BRINP1: variants seen among roughly 807,000 people sequenced by gnomAD.
The protein encoded by BRINP1 is BMP/retinoic acid-inducible neural-specific protein 1.
Under a neutral mutation model 72.9 loss-of-function variants are expected in BRINP1, and 17 were observed. The observed-to-expected ratio is 0.23, with a 90% CI of 0.16 to 0.35. The LOEUF (loss-of-function observed/expected upper bound fraction) is 0.35. Among genes scored for constraint, BRINP1 ranks in the 10% least tolerant of loss-of-function variants. BRINP1 has a pLI of 1.00. For missense variants in BRINP1, 850 were observed against 1,001.6 expected, an observed-to-expected ratio of 0.85 and a Z score of 2.04; for synonymous variants, 418 against 378.5, an observed-to-expected ratio of 1.10 and a Z score of -1.21.
chr9:119,289,291 A>G (rs1830799630), intron 2 of BRINP1, among the ~76,000 whole-genome samples: 1 of 152,252 alleles, frequency 6.6e-6, no homozygotes. Flanking sequence ...CAATACTCAG[A>G]AAATGACTGG....
chr9:119,308,026 T>C (rs1320488872), intron 2 of BRINP1, among the ~76,000 whole-genome samples: 2 of 152,184 alleles, frequency 1.3e-5, no homozygotes, highest in African/African-American at 2.4e-5. Context: ...CACAGGATTA[T>C]TGTAAGCATC....
chr9:119,329,328 T>C (rs1478594784), intron 1 of BRINP1, among the ~76,000 whole-genome samples: 3 of 152,220 alleles, frequency 2.0e-5, no homozygotes, highest in Admixed American at 2.0e-4. Flanking sequence ...TTCATTTGTA[T>C]AGAAACTACC....
intron 5 of BRINP1, among the ~76,000 whole-genome samples, chr9:119,223,639 T>C (rs1830062897): frequency 6.6e-6 from 1 of 151,994 alleles, no homozygotes; most frequent in Non-Finnish European, 1.5e-5. Context: ...GTACCCAGAG[T>C]ACGTGTTTGA....
At chr9:119,363,610 T>C (rs1475160542) in intron 1 of BRINP1, among the ~76,000 whole-genome samples, 1 of 152,194 alleles carries the variant, frequency 6.6e-6, no homozygotes. Flanking sequence ...TAAAATTATC[T>C]TGCTTATCTA....
Position 119,308,316 on chromosome 9 carries a change from T to C in BRINP1, c.218+4822A>G, listed in dbSNP as rs16908231. The stretch of plus-strand genomic sequence containing the variant: ...TACTGCATGATATCAAGATTATACC[T>C]GGAATCAAAAGCTGAAGGCTTCTTT... On this transcript the variant is annotated intron_variant, in intron 2 of 7. Transcript: ENST00000265922. Among the ~76,000 whole-genome samples the C allele has an allele frequency of 4.3e-4, 66 of 152,316 alleles. 1 individual carries two copies. The East Asian group carries it at 4.4e-3, about 10-fold the overall frequency.
Position 119,218,137 on chromosome 9 carries a change from C to T in BRINP1, c.686-3982G>A, listed in dbSNP as rs553294373. 1.5e-4 allele frequency among the ~76,000 whole-genome samples: 23 copies of T among 152,090 alleles called. No homozygotes were observed. In the South Asian group the frequency reaches 3.3e-3, roughly 22 times the overall value. Reference sequence around the variant, plus strand: ...AGGGACCTGTCTGCCCTCTAAGGGCCCCCAGAGTATAAACTAAGGTCAAGC... The same window carrying T: ...AGGGACCTGTCTGCCCTCTAAGGGCTCCCAGAGTATAAACTAAGGTCAAGC... On this transcript the variant is annotated intron_variant, in intron 5 of 7. Transcript: ENST00000265922.
In BRINP1 at chr9:119,242,106, C is replaced by G; in HGVS notation, c.520G>C (p.Asp174His). The G allele has an allele frequency of 6.2e-7, 1 of 1,614,124 alleles. No individual in the cohort carries two copies. ...LHQLASSYFV[D>H]RDGTMRRLHE... ...AGCCTCCTCATGGTACCATCACGGT[C>G]AACAAAGTAGGATGATGCGAGCTGG... The change falls in exon 4 of 8, where the codon GAC becomes CAC. Residue 174 changes from aspartate to histidine, a missense_variant. Physicochemically the swap from Asp to His is moderately conservative, Grantham distance 81. Transcript: ENST00000265922.
At chr9:119,314,228 G>A (rs1328923129) in intron 1 of BRINP1, among the ~76,000 whole-genome samples, 1 of 152,234 alleles carries the variant, frequency 6.6e-6, no homozygotes, top group Admixed American at 6.5e-5. Flanking sequence ...TTATTAGGGG[G>A]TCTTATGGCA....
chr9:119,310,705 G>C (rs1172386121), intron 2 of BRINP1, among the ~76,000 whole-genome samples: 2 of 152,124 alleles, frequency 1.3e-5, no homozygotes, highest in Non-Finnish European at 2.9e-5. Flanking sequence ...CACTAGGATA[G>C]TCAGGCCTTT....
At chr9:119,222,268 T>G (rs142809331) in intron 5 of BRINP1, among the ~76,000 whole-genome samples, 179 of 152,248 alleles carry the variant, frequency 1.2e-3, no homozygotes, top group Middle Eastern at 3.4e-3. Flanking sequence ...GAATTGTTTG[T>G]TAGCACAGCA....
chr9:119,367,346 G>A (rs565750163), intron 1 of BRINP1, among the ~76,000 whole-genome samples: 4 of 151,574 alleles, frequency 2.6e-5, no homozygotes, highest in Non-Finnish European at 4.4e-5. Context: ...TAGACAAGAG[G>A]CTGTGTCCCA....
At chr9:119,322,115 G>A (rs1323003702) in intron 1 of BRINP1, among the ~76,000 whole-genome samples, 2 of 152,170 alleles carry the variant, frequency 1.3e-5, no homozygotes, top group South Asian at 2.1e-4. Context: ...CATCTCCCAA[G>A]CCCCATGCCC....
At position 119,281,515 on chromosome 9, in the gene BRINP1, G is replaced by A. The variant is rs986273228; in HGVS notation, c.218+31623C>T. Among the ~76,000 whole-genome samples the A allele has an allele frequency of 2.0e-5, 3 of 152,214 alleles. No individual in the cohort carries two copies. The South Asian group carries it at 6.2e-4, about 32-fold the overall frequency. On this transcript the variant is annotated intron_variant, in intron 2 of 7. Transcript: ENST00000265922. Reference sequence around the variant, plus strand: ...GAGGAGCAGGGAAGGGAGAAAGAGAGGTATCATAGATTCTCTATGGTATCA... The same window carrying A: ...GAGGAGCAGGGAAGGGAGAAAGAGAAGTATCATAGATTCTCTATGGTATCA...
intron 2 of BRINP1, among the ~76,000 whole-genome samples, chr9:119,261,945 G>A (rs1830501086): frequency 6.6e-6 from 1 of 150,600 alleles, no homozygotes; most frequent in East Asian, 2.0e-4. Context: ...TAAACCCCTA[G>A]TAGACTCAGA....
intron 1 of BRINP1, among the ~76,000 whole-genome samples, chr9:119,352,145 C>A (rs982871058): frequency 2.6e-5 from 4 of 152,106 alleles, no homozygotes; most frequent in African/African-American, 9.7e-5. Context: ...CTTAGGTATC[C>A]GTAAAGTCAG....
At chr9:119,251,059 AAT>A (rs1444973727) in intron 2 of BRINP1, among the ~76,000 whole-genome samples, 1 of 152,186 alleles carries the variant, frequency 6.6e-6, no homozygotes, top group Non-Finnish European at 1.5e-5. Flanking sequence ...TTCACATTAG[AAT>A]ATGTTTCCAA....
intron 2 of BRINP1, among the ~76,000 whole-genome samples, chr9:119,296,081 A>C (rs1022648129): frequency 6.6e-6 from 1 of 152,234 alleles, no homozygotes; most frequent in African/African-American, 2.4e-5. Context: ...CAAAAGAAAC[A>C]ATCAACAGAG....
At chr9:119,175,119 T>TAAAAAAAAAAAAAACAAAA (rs35857917) in intron 7 of BRINP1, among the ~76,000 whole-genome samples, 1 of 62,674 alleles carries the variant, frequency 1.6e-5, no homozygotes. Flanking sequence ...AAGTAAAGTA[T>TAAAAAAAAAAAAAACAAAA]AAAAAAAAAA....
intron 7 of BRINP1, among the ~76,000 whole-genome samples, chr9:119,174,465 C>T (rs1346722657): frequency 6.8e-6 from 1 of 147,206 alleles, no homozygotes; most frequent in Non-Finnish European, 1.5e-5. Context: ...AGTCAGGAAA[C>T]AACAGGTGCT....
Sources: allele counts gnomAD v4.1 joint callset (sites outside exome capture counted in the v4.1 genomes callset), GRCh38; gene constraint gnomAD v4.1.1; transcripts MANE v1.5; gene names NCBI Gene and HGNC (gene_info 2026-07-23, HGNC 2026-07-21).